The following ZFHX3 variants were observed in gnomAD, a reference collection of about 807,000 sequenced individuals.
The protein encoded by ZFHX3 is zinc finger homeobox 3, also known as zinc finger homeobox protein 3.
ZFHX3 carries 42 observed loss-of-function variants against 279.1 expected under a neutral mutation model. That is an observed-to-expected ratio of 0.15 (90% confidence interval 0.12 to 0.19). ZFHX3 has a LOEUF of 0.19. ZFHX3 is among the 10% of genes least tolerant of loss of function. ZFHX3 has a pLI of 1.00. For missense variants in ZFHX3, 4,981 were observed against 4,754.0 expected, an observed-to-expected ratio of 1.05 and a Z score of -1.40; for synonymous variants, 2,293 against 1,957.8, an observed-to-expected ratio of 1.17 and a Z score of -4.52.
intron 1 of ZFHX3, among the ~76,000 whole-genome samples, chr16:72,978,901 T>TG (rs1174598180): frequency 6.6e-6 from 1 of 152,194 alleles, no homozygotes; most frequent in East Asian, 1.9e-4. Context: ...TGCTAGGTGC[T>TG]TACCATGCCC....
At chr16:73,460,580 T>C (rs2018455134) in intron 2 of ZFHX3, among the ~76,000 whole-genome samples, 1 of 152,226 alleles carries the variant, frequency 6.6e-6, no homozygotes, top group Admixed American at 6.5e-5. Context: ...AGCTGTGTCA[T>C]TGTACATTCT....
At chr16:73,289,760 A>G (rs1478479850) in intron 4 of ZFHX3, among the ~76,000 whole-genome samples, 1 of 152,104 alleles carries the variant, frequency 6.6e-6, no homozygotes, top group Non-Finnish European at 1.5e-5. Context: ...GTGAGCCCCC[A>G]GGGGAGCAGG....
chr16:73,256,298 T>C (rs1009013872), intron 5 of ZFHX3, among the ~76,000 whole-genome samples: 1 of 152,230 alleles, frequency 6.6e-6, no homozygotes. Context: ...AGCCATCAGA[T>C]GCTGACCTTG....
intron 2 of ZFHX3, among the ~76,000 whole-genome samples, chr16:73,590,379 G>A (rs146221364): frequency 1.3e-5 from 2 of 152,188 alleles, no homozygotes; most frequent in Non-Finnish European, 2.9e-5. Context: ...AATTGTACAA[G>A]ATGAGCATGG....
chr16:73,852,493 A>G (rs1961616055), intron 1 of ZFHX3, among the ~76,000 whole-genome samples: 2 of 152,156 alleles, frequency 1.3e-5, no homozygotes, highest in South Asian at 4.1e-4. Flanking sequence ...TATATTTTCT[A>G]TGTATGTCTT....
chr16:73,649,240 A>G (rs2052648691), intron 2 of ZFHX3, among the ~76,000 whole-genome samples: 1 of 152,112 alleles, frequency 6.6e-6, no homozygotes, highest in Admixed American at 6.5e-5. Flanking sequence ...GTCACATTAT[A>G]CTCATTTTTC....
upstream of ZFHX3, among the ~76,000 whole-genome samples, chr16:73,051,153 T>C (rs2144726833): frequency 6.6e-6 from 1 of 152,396 alleles, no homozygotes; most frequent in Middle Eastern, 3.4e-3. Flanking sequence ...TAGACAGATT[T>C]GTGCACCCTT....
chr16:73,257,901 A>G (rs1399534069), intron 4 of ZFHX3, among the ~76,000 whole-genome samples: 5 of 152,208 alleles, frequency 3.3e-5, no homozygotes, highest in African/African-American at 7.2e-5. Context: ...CTCAACTTCA[A>G]CAGTAGATAC....
intron 1 of ZFHX3, among the ~76,000 whole-genome samples, chr16:73,818,391 A>G (rs946402521): frequency 6.6e-6 from 1 of 152,200 alleles, no homozygotes; most frequent in African/African-American, 2.4e-5. Context: ...CCCCACCCCA[A>G]TACCATGGAG....
At chr16:73,613,940 C>G (rs1445098083) in intron 2 of ZFHX3, among the ~76,000 whole-genome samples, 2 of 152,194 alleles carry the variant, frequency 1.3e-5, no homozygotes, top group Non-Finnish European at 2.9e-5. Flanking sequence ...CTCTTTGACA[C>G]CCTCAGCACA....
chr16:73,366,192 C>T (rs2016525382), intron 3 of ZFHX3, among the ~76,000 whole-genome samples: 2 of 152,100 alleles, frequency 1.3e-5, no homozygotes, highest in Non-Finnish European at 2.9e-5. Flanking sequence ...AAATCATTTG[C>T]TGAAATGTTA....
At chr16:73,333,249 C>G (rs1372607708) in intron 3 of ZFHX3, among the ~76,000 whole-genome samples, 2 of 151,322 alleles carry the variant, frequency 1.3e-5, no homozygotes, top group African/African-American at 4.9e-5. Flanking sequence ...ATATAGATAC[C>G]CAGACACAGA....
intron 1 of ZFHX3, among the ~76,000 whole-genome samples, chr16:73,733,324 A>G (rs2053584119): frequency 6.6e-6 from 1 of 152,178 alleles, no homozygotes; most frequent in Admixed American, 6.6e-5. Flanking sequence ...TGATGATTTA[A>G]CTCATAAAGC....
intron 1 of ZFHX3, among the ~76,000 whole-genome samples, chr16:73,725,114 C>G (rs1178436714): frequency 6.6e-6 from 1 of 152,216 alleles, no homozygotes; most frequent in Non-Finnish European, 1.5e-5. Flanking sequence ...AACTTTTTAA[C>G]CGGCGTATAT....
intron 1 of ZFHX3, among the ~76,000 whole-genome samples, chr16:73,730,278 G>A (rs1228766708): frequency 6.8e-6 from 1 of 146,596 alleles, no homozygotes; most frequent in African/African-American, 2.6e-5. Context: ...ACTCATCCAT[G>A]GTTTTTTTAT....
At chr16:73,855,102 T>C (rs1961690997) in intron 1 of ZFHX3, among the ~76,000 whole-genome samples, 2 of 152,024 alleles carry the variant, frequency 1.3e-5, no homozygotes, top group South Asian at 4.1e-4. Context: ...TACATTTTTC[T>C]GAGAAATTAA....
intron 1 of ZFHX3, among the ~76,000 whole-genome samples, chr16:73,699,562 T>C (rs959584207): frequency 2.0e-5 from 3 of 152,232 alleles, no homozygotes; most frequent in South Asian, 4.1e-4. Context: ...AACAGTCATA[T>C]TCTGTATTTA....
intron 1 of ZFHX3, among the ~76,000 whole-genome samples, chr16:72,966,177 A>G (rs989850756): frequency 6.6e-6 from 1 of 152,216 alleles, no homozygotes; most frequent in African/African-American, 2.4e-5. Flanking sequence ...CTTGAGGAAC[A>G]AGACCATGCA....
At chr16:73,063,166 C>T (rs1369512585), upstream of ZFHX3, among the ~76,000 whole-genome samples, 3 of 152,210 alleles carry the variant, frequency 2.0e-5, no homozygotes, top group Non-Finnish European at 4.4e-5. Flanking sequence ...GGCGCCGCCA[C>T]CGGCGGCCTC....
Sources: allele counts gnomAD v4.1 joint callset (sites outside exome capture counted in the v4.1 genomes callset), GRCh38; gene constraint gnomAD v4.1.1; transcripts MANE v1.5; gene names NCBI Gene and HGNC (gene_info 2026-07-23, HGNC 2026-07-21).